The following ARID4A variants were observed in gnomAD, a reference collection of about 807,000 sequenced individuals.
ARID4A encodes AT-rich interactive domain-containing protein 4A.
Under a neutral mutation model 148.6 loss-of-function variants are expected in ARID4A, and 39 were observed. The ratio of observed to expected loss-of-function variants is 0.26; its 90% CI spans 0.20 to 0.34. ARID4A has a LOEUF of 0.34. Among genes scored for constraint, ARID4A ranks in the 10% least tolerant of loss-of-function variants. ARID4A has a pLI of 1.00. For missense variants in ARID4A, 1,265 were observed against 1,449.1 expected, an observed-to-expected ratio of 0.87 and a Z score of 2.06; for synonymous variants, 475 against 481.2, an observed-to-expected ratio of 0.99 and a Z score of 0.17.
At chr14:58,312,541 A>G (rs1181060362) in intron 5 of ARID4A, among the ~76,000 whole-genome samples, 1 of 152,166 alleles carries the variant, frequency 6.6e-6, no homozygotes, top group African/African-American at 2.4e-5. Context: ...TTTTAAAAAA[A>G]CTACTGGCCT....
chr14:58,361,681 T>A (rs920230372), intron 19 of ARID4A, among the ~76,000 whole-genome samples: 3 of 152,218 alleles, frequency 2.0e-5, no homozygotes, highest in Non-Finnish European at 4.4e-5. Context: ...GCTTTCAGTC[T>A]CCACCTACGA....
intron 22 of ARID4A, among the ~76,000 whole-genome samples, chr14:58,366,520 A>C (rs2035366114): frequency 2.6e-5 from 4 of 152,184 alleles, no homozygotes; most frequent in Non-Finnish European, 5.9e-5. Context: ...AACAATTAGA[A>C]ATAGCCAGTA....
At chr14:58,310,359 G>T (rs1311652363) in intron 5 of ARID4A, among the ~76,000 whole-genome samples, 1 of 151,972 alleles carries the variant, frequency 6.6e-6, no homozygotes, top group African/African-American at 2.4e-5. Context: ...CATACCACCT[G>T]ATTTCAAAAT....
At chr14:58,322,269 C>T (rs1053172496) in intron 7 of ARID4A, among the ~76,000 whole-genome samples, 2 of 151,814 alleles carry the variant, frequency 1.3e-5, no homozygotes, top group African/African-American at 4.8e-5. Context: ...TGCACCCAGC[C>T]GATAATGTAT....
intron 11 of ARID4A, among the ~76,000 whole-genome samples, chr14:58,332,884 G>T (rs1164035474): frequency 6.6e-6 from 1 of 152,096 alleles, no homozygotes; most frequent in African/African-American, 2.4e-5. Flanking sequence ...GTTGTTTTTA[G>T]TATAGCAAGC....
At position 58,342,742 on chromosome 14, in the gene ARID4A, G is replaced by T. The variant is rs553860538; in HGVS notation, c.907-1953G>T. 5.9e-5 allele frequency among the ~76,000 whole-genome samples: 9 copies of T among 152,202 alleles called. No individual in the cohort carries two copies. The South Asian group carries it at 1.7e-3, about 28-fold the overall frequency. Reference sequence around the variant, plus strand: ...AGCCTAGCCAATGTGGCGAAACCCAGTCTCTACTAAAAATACAAAAATTAG... The same window carrying T: ...AGCCTAGCCAATGTGGCGAAACCCATTCTCTACTAAAAATACAAAAATTAG... On this transcript the variant is annotated intron_variant, in intron 11 of 23. Coordinates refer to ENST00000355431, the MANE Select transcript of ARID4A (RefSeq NM_002892.4).
rs761907218 is a variant in ARID4A at position 58,365,253 on chromosome 14, C to G, written c.3164C>G (p.Ser1055Cys). The change falls in exon 20 of 24, where the codon TCT becomes TGT. Residue 1055 changes from serine to cysteine, a missense_variant. Around this residue, in one of 9 missense-constraint regions of ARID4A, gnomAD observed 666 missense variants for 730.9 expected, o/e 0.91. Coordinates refer to ENST00000355431, the MANE Select transcript of ARID4A (RefSeq NM_002892.4). ...SANGFETNVA[S>C]GTCSIIVQER... ...AATGGATTTGAAACTAATGTTGCCT[C>G]TGGTACCTGTAGTATAATTGTACAA... The G allele has an allele frequency of 1.2e-6, 2 of 1,613,956 alleles. No individual in the cohort carries two copies. The highest frequency in any genetic ancestry group is 4.5e-5 in the East Asian group (2 of 44,862).
Position 58,329,616 on chromosome 14 carries a change from A to G in ARID4A, c.739+12A>G, listed in dbSNP as rs2033407082. On this transcript the variant is annotated intron_variant, in intron 10 of 23. Coordinates refer to ENST00000355431, the MANE Select transcript of ARID4A (RefSeq NM_002892.4). ...CTCCACTAAACCAGGTAAAATAAAG[A>G]TGAATTACCCTATTATTTTATGTTG... The G allele has an allele frequency of 1.9e-6, 3 of 1,563,836 alleles. No homozygotes were observed. Among genetic ancestry groups the G allele is most frequent in the East Asian group, 4.5e-5 (2 of 44,466 alleles).
chr14:58,373,191 T>C lies in ARID4A; in HGVS notation c.*1202T>C, dbSNP rs1227762121. 5.0e-6 allele frequency: 1 copy of C among 200,820 alleles called. No individual in the cohort carries two copies. Among genetic ancestry groups the C allele is most frequent in the Non-Finnish European group, 1.0e-5 (1 of 97,236 alleles). 12.4% of individuals were successfully genotyped at this position (200,820 alleles called of 1,614,324 possible). On this transcript the variant is annotated 3_prime_UTR_variant, in exon 24 of 24. Transcript: ENST00000355431. ...GTCACAGTTTTTATGTTTGCTATACTGCCGAATGAATTTATATCTCCCAAA... is the reference window on the plus strand; with the variant it reads ...GTCACAGTTTTTATGTTTGCTATACCGCCGAATGAATTTATATCTCCCAAA...
chr14:58,350,960 G>A, intron 15 of ARID4A, 113 bp from the exon 16 acceptor site: 3 of 1,077,586 alleles, frequency 2.8e-6, no homozygotes, highest in South Asian at 4.0e-5. Context: ...GGTTTTCAGG[G>A]CCACGTTTCA....
chr14:58,330,929 G>A (rs58231973), intron 11 of ARID4A, among the ~76,000 whole-genome samples: 80,638 of 151,572 alleles, frequency 0.53, 21,905 homozygotes, highest in Middle Eastern at 0.67. Flanking sequence ...GTACATTTTT[G>A]GTTGTTACGG....
intron 5 of ARID4A, among the ~76,000 whole-genome samples, chr14:58,315,221 T>C (rs759305508): frequency 2.0e-4 from 30 of 152,198 alleles, no homozygotes; most frequent in Non-Finnish European, 3.7e-4. Context: ...TAATCCCCTT[T>C]TGAGCAATCT....
intron 8 of ARID4A, among the ~76,000 whole-genome samples, chr14:58,327,283 G>A (rs2145598): frequency 0.53 from 79,890 of 151,990 alleles, 21,632 homozygotes; most frequent in Middle Eastern, 0.67. Flanking sequence ...GAATGGTGCT[G>A]GAATGTAGCA....
chr14:58,318,942 G>A (rs2032656951), intron 7 of ARID4A, 137 bp downstream of exon 7: 4 of 644,014 alleles, frequency 6.2e-6, no homozygotes, highest in Non-Finnish European at 1.1e-5. Flanking sequence ...ATTTTACCCT[G>A]AGTGGACCTT....
chr14:58,318,422 C>A, intron 5 of ARID4A, 120 bp from the exon 6 acceptor site: 2 of 1,012,178 alleles, frequency 2.0e-6, no homozygotes, highest in Non-Finnish European at 2.9e-6. Context: ...TGAAAAATGA[C>A]TAAAATAATG....
rs1449441958 is a variant in ARID4A, at chr14:58,347,850, G to A, written c.1376G>A (p.Arg459Lys). ...ENIDSNSESE[R>K]EEIELKSPRG... ...ATCGATTCAAACAGTGAAAGTGAAA[G>A]AGAAGAGATAGAATTAAAATCTCCG... Residue 459 changes from arginine (R) to lysine (K), a missense_variant, in exon 15 of 24, where the codon AGA becomes AAA. This residue lies in a region of ARID4A where 205 missense variants were observed against 196.9 expected (regional missense o/e 1.04). Transcript: ENST00000355431. The A allele has an allele frequency of 1.9e-6, 3 of 1,612,214 alleles. No individual in the cohort carries two copies. In the Admixed American group the frequency reaches 5.0e-5, roughly 27 times the overall value.
chr14:58,365,489 T>TTTTTAA, intron 20 of ARID4A, 29 bp from the exon 21 acceptor site: 2 of 985,680 alleles, frequency 2.0e-6, no homozygotes, highest in Non-Finnish European at 2.9e-6. Context: ...TTTTTTTTTT[T>TTTTTAA]CAACATTCTC....
chr14:58,333,517 C>T (rs1209977298), intron 11 of ARID4A, among the ~76,000 whole-genome samples: 1 of 151,726 alleles, frequency 6.6e-6, no homozygotes, highest in Non-Finnish European at 1.5e-5. Context: ...TAGGTTGGGC[C>T]CTTTTAAAAA....
chr14:58,321,411 T>C (rs2032880772), intron 7 of ARID4A, among the ~76,000 whole-genome samples: 1 of 152,192 alleles, frequency 6.6e-6, no homozygotes, highest in Non-Finnish European at 1.5e-5. Flanking sequence ...TTGTTCCAGA[T>C]TTAGCCAAGG....
Sources: gnomAD v4.1 joint callset for allele counts (sites outside exome capture counted in the v4.1 genomes callset) on GRCh38, gnomAD v4.1.1 for gene constraint, gnomAD v4.1.1 regional missense constraint, MANE v1.5 for transcripts, NCBI Gene and HGNC (gene_info 2026-07-23, HGNC 2026-07-21) for gene names.